Variants in NXPE4 observed in about 807,000 individuals in gnomAD.
NXPE4 encodes the protein NXPE family member 4.
A neutral mutation model predicts 33.3 loss-of-function variants in NXPE4; 42 were observed. The ratio of observed to expected loss-of-function variants is 1.26; its 90% CI spans 0.98 to 1.63. The LOEUF is 1.63. NXPE4 is among the 40% of genes most tolerant of loss of function. The pLI is 0.00. For missense variants in NXPE4, 709 were observed against 647.6 expected (o/e 1.09, Z -1.03); for synonymous variants, 253 against 234.9 (o/e 1.08, Z -0.71).
the NXPE4 span, among the ~76,000 whole-genome samples, chr11:114,638,362 C>T: frequency 7.2e-5 from 11 of 151,792 alleles, no homozygotes; most frequent in East Asian, 1.2e-3. Flanking sequence ...GTTATCCATT[C>T]GTCTAAATTT....
the NXPE4 span, among the ~76,000 whole-genome samples, chr11:114,645,678 A>G: frequency 6.6e-6 from 1 of 152,190 alleles, no homozygotes; most frequent in Non-Finnish European, 1.5e-5. Context: ...GTAAAGGGAA[A>G]GAAAACCCAA....
chr11:114,632,536 T>G, the NXPE4 span, among the ~76,000 whole-genome samples: 3 of 120,820 alleles, frequency 2.5e-5, no homozygotes, highest in Non-Finnish European at 4.8e-5. Flanking sequence ...GCTATATATT[T>G]ATTATATATG....
At chr11:114,579,141 C>A (rs1043697156) in intron 5 of NXPE4, among the ~76,000 whole-genome samples, 1 of 151,982 alleles carries the variant, frequency 6.6e-6, no homozygotes. Flanking sequence ...TTAGTCATGG[C>A]GGAAGGGAAG....
At chr11:114,613,482 G>A in the NXPE4 span, among the ~76,000 whole-genome samples, 29 of 151,740 alleles carry the variant, frequency 1.9e-4, no homozygotes, top group South Asian at 1.7e-3. Context: ...GTATTGCCTC[G>A]TGGGTAACCA....
chr11:114,617,343 G>A, the NXPE4 span, among the ~76,000 whole-genome samples: 1 of 151,968 alleles, frequency 6.6e-6, no homozygotes, highest in Non-Finnish European at 1.5e-5. Flanking sequence ...CTTACCTGGT[G>A]GATAATAAGT....
the NXPE4 span, among the ~76,000 whole-genome samples, chr11:114,669,340 G>A: frequency 0.013 from 1,959 of 152,088 alleles, 21 homozygotes; most frequent in Non-Finnish European, 0.02. Context: ...CTCTTTCCAA[G>A]CCCACAAGTT....
the NXPE4 span, among the ~76,000 whole-genome samples, chr11:114,631,955 T>C: frequency 2.7e-5 from 4 of 150,600 alleles, no homozygotes; most frequent in Non-Finnish European, 4.4e-5. Context: ...TGTAGGTAAC[T>C]ACTATTACGT....
chr11:114,583,295 T>A (rs993984616), intron 2 of NXPE4: 2 of 639,846 alleles, frequency 3.1e-6, no homozygotes, highest in South Asian at 3.3e-5. Context: ...CTGTTACTAC[T>A]ACGATAGGGG....
chr11:114,609,656 C>T, the NXPE4 span, among the ~76,000 whole-genome samples: 5 of 150,994 alleles, frequency 3.3e-5, no homozygotes, highest in East Asian at 2.0e-4. Flanking sequence ...TCGTGGGTAA[C>T]GACTATTACC....
the NXPE4 span, among the ~76,000 whole-genome samples, chr11:114,667,955 CA>C: frequency 6.6e-6 from 1 of 151,748 alleles, no homozygotes; most frequent in Non-Finnish European, 1.5e-5. Flanking sequence ...AACTAATACA[CA>C]GAGGATACAG....
chr11:114,638,688 G>A, the NXPE4 span, among the ~76,000 whole-genome samples: 5 of 152,082 alleles, frequency 3.3e-5, no homozygotes, highest in African/African-American at 1.2e-4. Context: ...TAACAGACAG[G>A]ACCGTCAGCT....
chr11:114,626,082 G>A, the NXPE4 span, among the ~76,000 whole-genome samples: 6 of 152,244 alleles, frequency 3.9e-5, no homozygotes, highest in East Asian at 3.9e-4. Flanking sequence ...ACTGCAAGGC[G>A]GCAGCGAGGC....
At chr11:114,585,147 G>A (rs1949261305) in intron 2 of NXPE4, among the ~76,000 whole-genome samples, 1 of 151,732 alleles carries the variant, frequency 6.6e-6, no homozygotes, top group South Asian at 2.1e-4. Flanking sequence ...CTGGCCTCAA[G>A]TGAGCCAAAA....
At chr11:114,588,759 TAAGAATCCCACAGCCTTTATGGA>T (rs1235684461) in intron 2 of NXPE4, among the ~76,000 whole-genome samples, 1 of 152,110 alleles carries the variant, frequency 6.6e-6, no homozygotes, top group East Asian at 1.9e-4. Flanking sequence ...AAAATCCAGG[TAAGAATCCCACAGCCTTTATGGA>T]AAGGCTGAAA....
intron 5 of NXPE4, among the ~76,000 whole-genome samples, chr11:114,579,747 G>T (rs1044509490): frequency 6.6e-6 from 1 of 152,198 alleles, no homozygotes; most frequent in South Asian, 2.1e-4. Flanking sequence ...CAGATAGGAG[G>T]TAGAGAAGTC....
chr11:114,631,475 A>G, the NXPE4 span, among the ~76,000 whole-genome samples: 149 of 139,380 alleles, frequency 1.1e-3, 1 homozygote, highest in African/African-American at 3.9e-3. Flanking sequence ...CTGAAAAATG[A>G]GAACACATGG....
At chr11:114,649,435 T>C in the NXPE4 span, among the ~76,000 whole-genome samples, 1 of 152,164 alleles carries the variant, frequency 6.6e-6, no homozygotes, top group Non-Finnish European at 1.5e-5. Flanking sequence ...CATGTTAGCA[T>C]ATGGAAGGAC....
the NXPE4 span, among the ~76,000 whole-genome samples, chr11:114,650,829 G>A: frequency 6.8e-6 from 1 of 147,890 alleles, no homozygotes; most frequent in Non-Finnish European, 1.5e-5. Context: ...ACAAAGGCTG[G>A]ACCCGGAAAA....
At position 114,578,706 on chromosome 11, in the gene NXPE4, G is replaced by T. The variant is rs565800138; in HGVS notation, c.1099+1426C>A. Among the ~76,000 whole-genome samples the T allele has an allele frequency of 3.9e-5, 6 of 152,280 alleles. No homozygotes were observed. The South Asian group carries it at 1.2e-3, about 32-fold the overall frequency. On this transcript the variant is annotated intron_variant, in intron 5 of 5. Coordinates refer to ENST00000375478, the MANE Select transcript of NXPE4 (RefSeq NM_001077639.2). ...TCTCAGTGATGAGAGCCAGGATCCGGGGTCATAGAGGGGTAGACAATAATG... is the reference window on the plus strand; with the variant it reads ...TCTCAGTGATGAGAGCCAGGATCCGTGGTCATAGAGGGGTAGACAATAATG...
Sources: gnomAD v4.1 joint callset for allele counts (sites outside exome capture counted in the v4.1 genomes callset) on GRCh38, gnomAD v4.1.1 for gene constraint, MANE v1.5 for transcripts, NCBI Gene and HGNC (gene_info 2026-07-23, HGNC 2026-07-21) for gene names.